ITPRID1: variants seen among roughly 807,000 people sequenced by gnomAD.
ITPRID1 encodes protein ITPRID1.
Under a neutral mutation model 95.4 loss-of-function variants are expected in ITPRID1, and 96 were observed. The ratio of observed to expected loss-of-function variants is 1.01; its 90% CI spans 0.85 to 1.19. The LOEUF (loss-of-function observed/expected upper bound fraction) is 1.19, where lower values mean the gene tolerates loss of function less well. Ranked by LOEUF, ITPRID1 falls within the 50% of genes most tolerant of loss-of-function variation. The pLI is 0.00. For synonymous variants in ITPRID1, 510 were observed against 453.6 expected (o/e 1.12, Z -1.58); for missense variants, 1,339 against 1,252.9 (o/e 1.07, Z -1.04).
In ITPRID1 at chr7:31,609,302, A is replaced by T. The variant is rs77506531; in HGVS notation, c.1228+26111A>T. ...AATGTCTTTGTCTAGATTTGGTATC[A>T]AAGTAATACTGGCCCCAGAGAATAA... On this transcript the variant is annotated intron_variant, in intron 10 of 14. Transcript: ENST00000615280. Among the ~76,000 whole-genome samples the T allele has an allele frequency of 3.6e-3, 547 of 151,734 alleles. 3 individuals are homozygous for T. The highest frequency in any genetic ancestry group is 0.013 in the African/African-American group (525 of 41,518).
chr7:31,530,973 C>T (rs1463963616), intron 1 of ITPRID1, among the ~76,000 whole-genome samples: 2 of 152,152 alleles, frequency 1.3e-5, no homozygotes, highest in Non-Finnish European at 1.5e-5. Context: ...AGTGGCCATC[C>T]AATGTTCTGG....
chr7:31,603,978 C>T (rs994731539), intron 10 of ITPRID1, among the ~76,000 whole-genome samples: 7 of 152,182 alleles, frequency 4.6e-5, no homozygotes, highest in Non-Finnish European at 8.8e-5. Flanking sequence ...GTTGTTGATG[C>T]CTGCCTTTAC....
rs1237479524 is a variant in ITPRID1, at chr7:31,577,898, A to G, written c.634A>G (p.Thr212Ala). 2 of 1,611,376 alleles carry G rather than the reference A, an allele frequency of 1.2e-6. No individual in the cohort carries two copies. Among genetic ancestry groups the G allele is most frequent in the East Asian group, 2.2e-5 (1 of 44,818 alleles). ...ACAGCTGGAAATCCTGGACCATGTG[A>G]CCAATGCCTTCTCATCTCTGCTGAG... The part of the protein sequence containing the change: ...FRQLEILDHV[T>A]NAFSSLLSDV... The change falls in exon 9 of 15, where the codon ACC becomes GCC. Residue 212 changes from threonine to alanine, a missense_variant. Physicochemically the swap from Thr to Ala is moderately conservative, Grantham distance 58. Transcript: ENST00000615280.
At chr7:31,558,114 TG>T (rs1784510186) in intron 5 of ITPRID1, among the ~76,000 whole-genome samples, 1 of 148,036 alleles carries the variant, frequency 6.8e-6, no homozygotes, top group African/African-American at 2.4e-5. Flanking sequence ...AGGATGGGTT[TG>T]GTCCCCATTT....
chr7:31,554,962 A>C, intron 5 of ITPRID1, 61 bp downstream of exon 5: 8 of 1,186,638 alleles, frequency 6.7e-6, no homozygotes, highest in South Asian at 1.3e-5. Context: ...TCAAATATCT[A>C]CGTGAATAAA....
intron 2 of ITPRID1, 58 bp from the exon 3 acceptor site, chr7:31,552,944 G>C (rs1784330014): frequency 6.6e-7 from 1 of 1,507,808 alleles, no homozygotes; most frequent in Non-Finnish European, 8.9e-7. Context: ...CTTTCACTGA[G>C]CCAAGCCCAG....
At chr7:31,627,480 A>G (rs141513451) in intron 10 of ITPRID1, among the ~76,000 whole-genome samples, 1 of 152,212 alleles carries the variant, frequency 6.6e-6, no homozygotes, top group African/African-American at 2.4e-5. Flanking sequence ...CAACATGGCA[A>G]TACCCCATCT....
chr7:31,652,188 G>T lies in ITPRID1; in HGVS notation c.2823+138G>T, dbSNP rs1173663987. On this transcript the variant is annotated intron_variant, in intron 14 of 14. Coordinates refer to ENST00000615280, the MANE Select transcript of ITPRID1 (RefSeq NM_001257967.3). ...ACCTTCATTTTAAGTATACAGAGAA[G>T]TACTTTGGTTTGCTCAAGGGTACAC... 8.0e-6 allele frequency: 6 copies of T among 754,554 alleles called. No homozygotes were observed. The East Asian group carries it at 1.6e-4, about 20-fold the overall frequency. The allele number at this position is 754,554 out of a possible 1,614,324, so 46.7% of individuals were successfully genotyped here.
Position 31,656,080 on chromosome 7 carries a change from AT to A in ITPRID1, c.*3252del. ...CCATCTCCTACACAGGCTTTCCTTGATGATCTGTGGCAGAAGTGATCCTTAT... is the reference window on the plus strand; with the variant it reads ...CCATCTCCTACACAGGCTTTCCTTGAGATCTGTGGCAGAAGTGATCCTTAT... On this transcript the variant is annotated 3_prime_UTR_variant, in exon 15 of 15. Coordinates refer to ENST00000615280, the MANE Select transcript of ITPRID1 (RefSeq NM_001257967.3). The A allele has an allele frequency of 1.1e-6, 1 of 932,082 alleles. No homozygotes were observed. Among genetic ancestry groups the A allele is most frequent in the African/African-American group, 1.8e-5 (1 of 56,228 alleles). 57.7% of individuals were successfully genotyped at this position (932,082 alleles called of 1,614,324 possible). A position where few individuals can be genotyped will look rare whatever the true frequency, so the allele number is the denominator to read the frequency against.
chr7:31,515,305 CAGAG>C (rs1368538961), intron 1 of ITPRID1, among the ~76,000 whole-genome samples: 5 of 147,924 alleles, frequency 3.4e-5, no homozygotes, highest in Non-Finnish European at 7.5e-5. Flanking sequence ...AAAGAAAAAA[CAGAG>C]AGAAACAAGT....
intron 10 of ITPRID1, among the ~76,000 whole-genome samples, chr7:31,594,678 G>A (rs1414908109): frequency 2.0e-5 from 3 of 152,038 alleles, no homozygotes; most frequent in Non-Finnish European, 4.4e-5. Context: ...CCAACATGGT[G>A]AAACCCCATC....
At position 31,624,403 on chromosome 7, in the gene ITPRID1, G is replaced by T. The variant is rs1459293618; in HGVS notation, c.1229-17773G>T. 2.2e-3 allele frequency among the ~76,000 whole-genome samples: 304 copies of T among 140,808 alleles called. 1 individual carries two copies. Among genetic ancestry groups the T allele is most frequent in the African/African-American group, 7.6e-3 (288 of 37,702 alleles). The allele number at this position is 140,808 out of a possible 152,430, so 92.4% of individuals were successfully genotyped here. A position where few individuals can be genotyped will look rare whatever the true frequency, so the allele number is the denominator to read the frequency against. On this transcript the variant is annotated intron_variant, in intron 10 of 14. Coordinates refer to ENST00000615280, the MANE Select transcript of ITPRID1 (RefSeq NM_001257967.3). ...AAGGCTACAGTAACCAAAACAGCAT[G>T]GTACTGGTACCAAAACAGAGATATA...
chr7:31,581,386 C>G lies in ITPRID1; in HGVS notation c.1171-1748C>G, dbSNP rs79048442. ...TTACTCAGTAAAATTGAGTCAGCCC[C>G]TCTCTTTTTAAATTCCCAAATACAT... On this transcript the variant is annotated intron_variant, in intron 9 of 14. Transcript: ENST00000615280. 7.5e-3 allele frequency among the ~76,000 whole-genome samples: 1,142 copies of G among 152,218 alleles called. 8 individuals are homozygous for G. The highest frequency in any genetic ancestry group is 0.012 in the Non-Finnish European group (800 of 67,994).
At chr7:31,602,704 C>A (rs1786447269) in intron 10 of ITPRID1, among the ~76,000 whole-genome samples, 1 of 152,110 alleles carries the variant, frequency 6.6e-6, no homozygotes, top group African/African-American at 2.4e-5. Flanking sequence ...TCTTGCTGTC[C>A]CCTGCTCTAT....
chr7:31,546,540 T>C (rs977570408), intron 1 of ITPRID1, among the ~76,000 whole-genome samples: 1 of 152,140 alleles, frequency 6.6e-6, no homozygotes, highest in African/African-American at 2.4e-5. Context: ...CTAATTCTGG[T>C]TAGTGTGCAC....
At chr7:31,580,632 G>C (rs911627278) in intron 9 of ITPRID1, among the ~76,000 whole-genome samples, 5 of 151,484 alleles carry the variant, frequency 3.3e-5, no homozygotes, top group African/African-American at 1.2e-4. Flanking sequence ...GTATGTATTT[G>C]GGGAGAGAGT....
chr7:31,584,390 G>A (rs965391553), intron 10 of ITPRID1, among the ~76,000 whole-genome samples: 1 of 152,036 alleles, frequency 6.6e-6, no homozygotes, highest in Non-Finnish European at 1.5e-5. Flanking sequence ...CCTGCATTGA[G>A]GCTTATAAGA....
At chr7:31,631,153 C>G (rs1788954949) in intron 10 of ITPRID1, among the ~76,000 whole-genome samples, 1 of 152,066 alleles carries the variant, frequency 6.6e-6, no homozygotes, top group South Asian at 2.1e-4. Context: ...GAAAATAATA[C>G]TACCTAAGCC....
intron 10 of ITPRID1, among the ~76,000 whole-genome samples, chr7:31,609,168 G>T (rs1429462863): frequency 2.6e-5 from 4 of 151,426 alleles, no homozygotes; most frequent in African/African-American, 9.7e-5. Context: ...TTCCTGAGAT[G>T]GGTTCCACAT....
Sources: gnomAD v4.1 joint callset for allele counts (sites outside exome capture counted in the v4.1 genomes callset) on GRCh38, gnomAD v4.1.1 for gene constraint, MANE v1.5 for transcripts, NCBI Gene and HGNC (gene_info 2026-07-23, HGNC 2026-07-21) for gene names.